The following ARMC7 variants were observed in gnomAD, a reference collection of about 807,000 sequenced individuals.
ARMC7 encodes the protein armadillo repeat-containing protein 7.
ARMC7 carries 9 observed loss-of-function variants against 14.8 expected under a neutral mutation model. The observed-to-expected ratio is 0.61, with a 90% CI of 0.37 to 1.06. The LOEUF is 1.06. Ranked by LOEUF, ARMC7 falls within the 50% of genes least tolerant of loss-of-function variation. ARMC7 has a pLI of 0.01. For missense variants in ARMC7, 262 were observed against 267.1 expected (o/e 0.98, Z 0.13); for synonymous variants, 125 against 123.4 (o/e 1.01, Z -0.09).
At chr17:75,116,938 C>T (rs2073977281) in intron 2 of ARMC7, among the ~76,000 whole-genome samples, 1 of 152,132 alleles carries the variant, frequency 6.6e-6, no homozygotes, top group Non-Finnish European at 1.5e-5. Context: ...GTGAGGTCTG[C>T]TCTTTGGCCC....
Position 75,129,318 on chromosome 17 carries a change from G to A in ARMC7, c.*280G>A, listed in dbSNP as rs1161831002. The stretch of plus-strand genomic sequence containing the variant: ...ACCACCACCAGACTCAGGCCCTGGT[G>A]TAAGAAGCGGCCAAGTGCCTGGACC... On this transcript the variant is annotated 3_prime_UTR_variant, in exon 3 of 3. Transcript: ENST00000245543. 1 of 509,218 alleles carries A rather than the reference G, an allele frequency of 2.0e-6. No homozygotes were observed. Among genetic ancestry groups the A allele is most frequent in the East Asian group, 3.3e-5 (1 of 29,930 alleles). 31.5% of individuals were successfully genotyped at this position (509,218 alleles called of 1,614,324 possible).
rs888545928 is a variant in ARMC7 at position 75,110,100 on chromosome 17, G to A, written c.-189G>A. On this transcript the variant is annotated 5_prime_UTR_variant, in exon 1 of 3. Coordinates refer to ENST00000245543, the MANE Select transcript of ARMC7 (RefSeq NM_024585.4). The stretch of plus-strand genomic sequence containing the variant: ...AACTCCTACAGGATTCTGAGACCCC[G>A]TCCCATCTCCCATATCCCATTTCCA... The A allele has an allele frequency of 1.7e-5, 10 of 592,530 alleles. No homozygotes were observed. Among genetic ancestry groups the A allele is most frequent in the African/African-American group, 1.3e-4 (7 of 53,336 alleles). The allele number at this position is 592,530 out of a possible 1,614,324, so 36.7% of individuals were successfully genotyped here.
intron 2 of ARMC7, among the ~76,000 whole-genome samples, chr17:75,115,861 A>G (rs970170177): frequency 1.3e-5 from 2 of 152,164 alleles, no homozygotes; most frequent in Non-Finnish European, 2.9e-5. Context: ...TGAGAGAATT[A>G]AATGAAACAC....
At chr17:75,112,849 C>A (rs931996596) in intron 2 of ARMC7, among the ~76,000 whole-genome samples, 1 of 151,658 alleles carries the variant, frequency 6.6e-6, no homozygotes, top group Non-Finnish European at 1.5e-5. Context: ...CCTAAACAGA[C>A]CCTCATTTCA....
At chr17:75,112,939 C>A (rs1444862201) in intron 2 of ARMC7, among the ~76,000 whole-genome samples, 1 of 152,084 alleles carries the variant, frequency 6.6e-6, no homozygotes, top group African/African-American at 2.4e-5. Flanking sequence ...TTTGTGGTTT[C>A]TTTATCCCCT....
intron 2 of ARMC7, among the ~76,000 whole-genome samples, chr17:75,118,520 C>T (rs1000076548): frequency 5.9e-5 from 9 of 152,212 alleles, no homozygotes; most frequent in African/African-American, 2.2e-4. Flanking sequence ...TGCCCGCCGT[C>T]GGCACCGCCA....
At chr17:75,126,815 C>G (rs1369646595) in intron 2 of ARMC7, among the ~76,000 whole-genome samples, 1 of 152,034 alleles carries the variant, frequency 6.6e-6, no homozygotes, top group Non-Finnish European at 1.5e-5. Context: ...AATCCCAGCA[C>G]TTTGGGAGGC....
chr17:75,127,983 T>G (rs1418912673), intron 2 of ARMC7, among the ~76,000 whole-genome samples: 1 of 152,234 alleles, frequency 6.6e-6, no homozygotes, highest in African/African-American at 2.4e-5. Context: ...AATTTTGGCA[T>G]AAGTATATAC....
chr17:75,124,654 G>A (rs1342039353), intron 2 of ARMC7, among the ~76,000 whole-genome samples: 1 of 151,702 alleles, frequency 6.6e-6, no homozygotes, highest in African/African-American at 2.4e-5. Flanking sequence ...TCTGCCCAAG[G>A]CTGGATTCGT....
intron 2 of ARMC7, chr17:75,114,763 C>T: frequency 2.5e-6 from 1 of 398,514 alleles, no homozygotes; most frequent in Non-Finnish European, 4.4e-6. Flanking sequence ...GTAGCTTTCT[C>T]AGCGTCGAAT....
intron 2 of ARMC7, among the ~76,000 whole-genome samples, chr17:75,120,535 C>T (rs1430060754): frequency 6.6e-6 from 1 of 152,064 alleles, no homozygotes; most frequent in African/African-American, 2.4e-5. Context: ...AGTATGGTGG[C>T]TGGGCACGGT....
chr17:75,119,129 G>A (rs958544248), intron 2 of ARMC7, among the ~76,000 whole-genome samples: 3 of 149,706 alleles, frequency 2.0e-5, no homozygotes, highest in Non-Finnish European at 4.4e-5. Flanking sequence ...CTATGACACT[G>A]GTACACTGGA....
chr17:75,110,186 C>A lies in ARMC7; in HGVS notation c.-103C>A, dbSNP rs2073897906. The A allele has an allele frequency of 1.8e-6, 2 of 1,141,214 alleles. No individual in the cohort carries two copies. Among genetic ancestry groups the A allele is most frequent in the African/African-American group, 1.6e-5 (1 of 63,750 alleles). The allele number at this position is 1,141,214 out of a possible 1,614,324, so 70.7% of individuals were successfully genotyped here. A position where few individuals can be genotyped will look rare whatever the true frequency, so the allele number is the denominator to read the frequency against. On this transcript the variant is annotated 5_prime_UTR_variant, in exon 1 of 3. Coordinates refer to ENST00000245543, the MANE Select transcript of ARMC7 (RefSeq NM_024585.4). ...AAACCCATTTGCCGACCCCCTCTTC[C>A]CTCTCCAGACAGGTGGAGAGCGGGT...
chr17:75,127,164 G>A (rs141099871), intron 2 of ARMC7, among the ~76,000 whole-genome samples: 41 of 152,070 alleles, frequency 2.7e-4, no homozygotes, highest in Admixed American at 3.9e-4. Context: ...GCTTAAAGCC[G>A]GAAGTTCAAG....
chr17:75,114,539 C>T (rs1263631765), intron 2 of ARMC7: 1 of 394,204 alleles, frequency 2.5e-6, no homozygotes, highest in East Asian at 3.6e-5. Flanking sequence ...GAAGCTGAGT[C>T]CCGTCCCTTC....
chr17:75,128,554 T>C (rs1293779158), intron 2 of ARMC7, 123 bp from the exon 3 acceptor site: 3 of 1,369,928 alleles, frequency 2.2e-6, no homozygotes, highest in Non-Finnish European at 2.9e-6. Context: ...GGAATGGGCT[T>C]TGGATGCCTT....
In ARMC7 at chr17:75,130,259, G is replaced by A. The variant is rs2074095042; in HGVS notation, c.*1221G>A. The A allele has an allele frequency of 1.2e-5, 7 of 565,654 alleles. No individual in the cohort carries two copies. Among genetic ancestry groups the A allele is most frequent in the Non-Finnish European group, 2.2e-5 (7 of 317,426 alleles). 35.0% of individuals were successfully genotyped at this position (565,654 alleles called of 1,614,324 possible). On this transcript the variant is annotated 3_prime_UTR_variant, in exon 3 of 3. Transcript: ENST00000245543. Reference sequence around the variant, plus strand: ...GCCAAGGTCTTTTATTAAAGGTCCCGACTGGTTTTCCCACTGTATTTCCAT... The same window carrying A: ...GCCAAGGTCTTTTATTAAAGGTCCCAACTGGTTTTCCCACTGTATTTCCAT...
chr17:75,121,401 C>G (rs1326221306), intron 2 of ARMC7, among the ~76,000 whole-genome samples: 3 of 152,110 alleles, frequency 2.0e-5, no homozygotes, highest in Non-Finnish European at 4.4e-5. Flanking sequence ...CTTGCCAACA[C>G]TTAGTATTGG....
chr17:75,128,701 A>G lies in ARMC7; in HGVS notation c.260A>G (p.Asp87Gly). The G allele has an allele frequency of 1.2e-6, 2 of 1,613,200 alleles. No individual in the cohort carries two copies. Among genetic ancestry groups the G allele is most frequent in the Non-Finnish European group, 8.5e-7 (1 of 1,179,744 alleles). The change falls in exon 3 of 3, where the codon GAC becomes GGC. Residue 87 changes from aspartate to glycine, a missense_variant. Transcript: ENST00000245543. Reference protein sequence around the residue: ...AIGGLCNLCPDRANKEHILHA... With the variant: ...AIGGLCNLCPGRANKEHILHA... ...GGAGGCCTGTGCAACCTGTGCCCAG[A>G]CAGGGCCAACAAGGAGCACATCCTG...
Sources: allele counts gnomAD v4.1 joint callset (sites outside exome capture counted in the v4.1 genomes callset), GRCh38; gene constraint gnomAD v4.1.1; transcripts MANE v1.5; gene names NCBI Gene and HGNC (gene_info 2026-07-23, HGNC 2026-07-21).